ADGRL3: variants seen among roughly 807,000 people sequenced by gnomAD.
ADGRL3 encodes calcium-independent alpha-latrotoxin receptor 3.
In ADGRL3, 62 loss-of-function variants were observed where a neutral mutation model predicts 153.5. The observed-to-expected ratio is 0.40, with a 90% CI of 0.33 to 0.50. The LOEUF is 0.50. Among genes scored for constraint, ADGRL3 ranks in the 20% least tolerant of loss-of-function variants. The pLI is 0.47. For missense variants in ADGRL3, 1,641 were observed against 1,859.4 expected, an observed-to-expected ratio of 0.88 and a Z score of 2.16; for synonymous variants, 710 against 672.5, an observed-to-expected ratio of 1.06 and a Z score of -0.86.
intron 13 of ADGRL3, among the ~76,000 whole-genome samples, chr4:61,918,035 C>T (rs2098752538): frequency 6.6e-6 from 1 of 152,044 alleles, no homozygotes; most frequent in Admixed American, 6.6e-5. Flanking sequence ...GGACAGTAGC[C>T]AACAGCAAGA....
chr4:62,044,738 C>T (rs1730195472), intron 25 of ADGRL3, among the ~76,000 whole-genome samples, 189 bp downstream of exon 25: 1 of 151,948 alleles, frequency 6.6e-6, no homozygotes. Flanking sequence ...CCTGAATTTT[C>T]CAGAAGTCTT....
At chr4:61,219,012 G>C (rs992264928) in intron 1 of ADGRL3, among the ~76,000 whole-genome samples, 1 of 152,150 alleles carries the variant, frequency 6.6e-6, no homozygotes, top group Non-Finnish European at 1.5e-5. Context: ...AGGCATCAAG[G>C]GGGGCTGTGG....
intron 1 of ADGRL3, among the ~76,000 whole-genome samples, chr4:61,331,508 T>C (rs2095572422): frequency 6.6e-6 from 1 of 152,182 alleles, no homozygotes; most frequent in African/African-American, 2.4e-5. Context: ...TTTCTTCCAA[T>C]ACATTTTCTA....
intron 5 of ADGRL3, among the ~76,000 whole-genome samples, chr4:61,648,524 G>GT (rs67817156): frequency 0.37 from 54,317 of 147,504 alleles, 11,400 homozygotes; most frequent in Non-Finnish European, 0.5. Context: ...GAATTTTTTT[G>GT]TTTTTTTTTC....
chr4:62,067,773 G>A (rs890873809), intron 25 of ADGRL3, among the ~76,000 whole-genome samples: 4 of 151,912 alleles, frequency 2.6e-5, no homozygotes, highest in African/African-American at 9.7e-5. Context: ...ATTCCTTGAA[G>A]CACGTATACT....
intron 1 of ADGRL3, among the ~76,000 whole-genome samples, chr4:61,203,365 A>G (rs1577840275): frequency 6.6e-6 from 1 of 151,724 alleles, no homozygotes; most frequent in Non-Finnish European, 1.5e-5. Flanking sequence ...CGGTGTAAGC[A>G]CTCCTGCCAC....
At chr4:61,371,189 G>A (rs1256917993) in intron 1 of ADGRL3, among the ~76,000 whole-genome samples, 4 of 151,284 alleles carry the variant, frequency 2.6e-5, no homozygotes, top group African/African-American at 9.7e-5. Flanking sequence ...TATCCAATTT[G>A]CCAGTCTGTG....
intron 5 of ADGRL3, among the ~76,000 whole-genome samples, chr4:61,667,894 G>T (rs1200467640): frequency 6.6e-6 from 1 of 152,108 alleles, no homozygotes; most frequent in Admixed American, 6.6e-5. Flanking sequence ...ATGCTCCTTG[G>T]CAATGACATG....
At chr4:61,799,006 T>TATATAA (rs1183779495) in intron 8 of ADGRL3, among the ~76,000 whole-genome samples, 1 of 70,160 alleles carries the variant, frequency 1.4e-5, no homozygotes, top group African/African-American at 6.8e-5. Flanking sequence ...ACAGTATATA[T>TATATAA]ATATATATAT....
chr4:61,850,171 C>T (rs1473757691), intron 9 of ADGRL3, among the ~76,000 whole-genome samples: 1 of 152,100 alleles, frequency 6.6e-6, no homozygotes, highest in Admixed American at 6.6e-5. Flanking sequence ...TGAGCACATA[C>T]CATGGGTATA....
chr4:61,710,844 A>C (rs1347082520), intron 6 of ADGRL3, among the ~76,000 whole-genome samples: 1 of 152,030 alleles, frequency 6.6e-6, no homozygotes, highest in Non-Finnish European at 1.5e-5. Context: ...AATAAATAAT[A>C]TTGATTTTTT....
chr4:61,662,526 T>C (rs2094632666), intron 5 of ADGRL3, among the ~76,000 whole-genome samples: 1 of 152,106 alleles, frequency 6.6e-6, no homozygotes, highest in African/African-American at 2.4e-5. Flanking sequence ...CCAATGAGCA[T>C]GGGAGGGAGG....
chr4:61,336,790 T>C (rs1165637611), intron 1 of ADGRL3, among the ~76,000 whole-genome samples: 3 of 151,984 alleles, frequency 2.0e-5, no homozygotes, highest in Admixed American at 2.0e-4. Flanking sequence ...AGCTTCATGA[T>C]ATCTGGGTAT....
intron 1 of ADGRL3, among the ~76,000 whole-genome samples, chr4:61,308,718 TTAAAATGCATATG>T (rs2094892841): frequency 6.6e-6 from 1 of 152,050 alleles, no homozygotes; most frequent in Admixed American, 6.6e-5. Flanking sequence ...AGTAGAAAAA[TTAAAATGCATATG>T]TAAAATGGGA....
intron 17 of ADGRL3, among the ~76,000 whole-genome samples, chr4:61,971,740 T>TG (rs1385230089): frequency 1.3e-5 from 2 of 152,160 alleles, no homozygotes; most frequent in African/African-American, 2.4e-5. Context: ...CACACTGACT[T>TG]CCACAATGGT....
intron 1 of ADGRL3, among the ~76,000 whole-genome samples, chr4:61,201,972 G>A (rs1435609917): frequency 4.6e-5 from 7 of 152,156 alleles, no homozygotes; most frequent in Non-Finnish European, 1.0e-4. Flanking sequence ...GCTCGGGTCT[G>A]GCGCGGGTTG....
chr4:62,028,933 G>A, intron 22 of ADGRL3, 52 bp downstream of exon 22: 1 of 1,512,436 alleles, frequency 6.6e-7, no homozygotes. Flanking sequence ...GTGGTCCCAT[G>A]AACCAGCTGT....
chr4:61,900,341 C>G (rs1381860354), intron 11 of ADGRL3, among the ~76,000 whole-genome samples: 2 of 151,754 alleles, frequency 1.3e-5, no homozygotes, highest in Non-Finnish European at 2.9e-5. Context: ...TGGAAGAAAA[C>G]AGGTAAAGAA....
chr4:61,516,520 A>T (rs933502809), intron 3 of ADGRL3, among the ~76,000 whole-genome samples: 5 of 152,078 alleles, frequency 3.3e-5, no homozygotes, highest in African/African-American at 4.8e-5. Context: ...AAAAAATCCT[A>T]TATTTAAATA....
Sources: gnomAD v4.1 joint callset for allele counts (sites outside exome capture counted in the v4.1 genomes callset) on GRCh38, gnomAD v4.1.1 for gene constraint, MANE v1.5 for transcripts, NCBI Gene and HGNC (gene_info 2026-07-23, HGNC 2026-07-21) for gene names.